PLXDC2: variants seen among roughly 807,000 people sequenced by gnomAD.
The protein encoded by PLXDC2 is plexin domain-containing protein 2.
In PLXDC2, 40 loss-of-function variants were observed where a neutral mutation model predicts 68.9. The observed-to-expected ratio is 0.58, with a 90% confidence interval of 0.45 to 0.76. The LOEUF (loss-of-function observed/expected upper bound fraction) is 0.76, where lower values mean the gene tolerates loss of function less well. Ranked by LOEUF, PLXDC2 falls within the 30% of genes least tolerant of loss-of-function variation. The pLI is 0.00. For synonymous variants in PLXDC2, 243 were observed against 234.2 expected (o/e 1.04, Z -0.34); for missense variants, 644 against 661.9 (o/e 0.97, Z 0.30).
intron 6 of PLXDC2, among the ~76,000 whole-genome samples, chr10:20,160,750 G>GA (rs1165774170): frequency 2.6e-5 from 4 of 151,388 alleles, no homozygotes; most frequent in East Asian, 1.9e-4. Flanking sequence ...ACAGAAGAAT[G>GA]AAAAAAAAAT....
At chr10:20,097,452 G>A (rs969419600) in intron 4 of PLXDC2, among the ~76,000 whole-genome samples, 1 of 152,120 alleles carries the variant, frequency 6.6e-6, no homozygotes, top group Non-Finnish European at 1.5e-5. Flanking sequence ...ATTTTAACTT[G>A]TTTCTGTAGG....
At chr10:19,971,746 A>T (rs545932455) in intron 1 of PLXDC2, among the ~76,000 whole-genome samples, 16 of 152,288 alleles carry the variant, frequency 1.1e-4, no homozygotes, top group Non-Finnish European at 1.6e-4. Flanking sequence ...TTTATGAAGC[A>T]ATGTGTCTGA....
intron 4 of PLXDC2, among the ~76,000 whole-genome samples, chr10:20,095,034 C>T (rs544745555): frequency 5.9e-5 from 9 of 151,958 alleles, no homozygotes; most frequent in East Asian, 3.9e-4. Flanking sequence ...CAAATGTGAC[C>T]GCACATGTAA....
rs147821261 is a variant in PLXDC2, at chr10:19,992,706, C to T, written c.113-9069C>T. ...TTCAAGATATAATAGAAAACAACAACCAATATTACTGTAGTATTACTTTCT... is the reference window on the plus strand; with the variant it reads ...TTCAAGATATAATAGAAAACAACAATCAATATTACTGTAGTATTACTTTCT... On this transcript the variant is annotated intron_variant, in intron 1 of 13. Transcript: ENST00000377252. Among the ~76,000 whole-genome samples, 333 of 152,256 alleles carry T rather than the reference C, an allele frequency of 2.2e-3. 3 individuals carry two copies. The highest frequency in any genetic ancestry group is 0.01 in the East Asian group (52 of 5,186).
intron 6 of PLXDC2, among the ~76,000 whole-genome samples, chr10:20,158,567 G>A (rs1270259896): frequency 1.3e-5 from 2 of 150,562 alleles, no homozygotes; most frequent in African/African-American, 4.9e-5. Context: ...GGAGGCTAAG[G>A]CAGGAAGATC....
intron 1 of PLXDC2, among the ~76,000 whole-genome samples, chr10:19,826,328 T>C (rs78246462): frequency 0.016 from 2,454 of 152,314 alleles, 30 homozygotes; most frequent in Non-Finnish European, 0.025. Flanking sequence ...CACCTTTGAA[T>C]TTTTTGTTGT....
intron 1 of PLXDC2, among the ~76,000 whole-genome samples, chr10:19,977,779 T>C (rs538572706): frequency 2.0e-4 from 31 of 152,212 alleles, no homozygotes; most frequent in Admixed American, 9.8e-4. Flanking sequence ...TTCTTTTTTT[T>C]ATAAGGGCAC....
chr10:20,208,965 G>A (rs910467192), intron 9 of PLXDC2, among the ~76,000 whole-genome samples: 1 of 152,032 alleles, frequency 6.6e-6, no homozygotes, highest in Non-Finnish European at 1.5e-5. Flanking sequence ...TAGGGTGTGG[G>A]CCACAGAGAT....
At chr10:20,196,053 G>C (rs2131843498) in intron 9 of PLXDC2, among the ~76,000 whole-genome samples, 1 of 152,214 alleles carries the variant, frequency 6.6e-6, no homozygotes, top group Non-Finnish European at 1.5e-5. Context: ...TTAAGAAAGG[G>C]TGTCCAAAAC....
chr10:19,852,038 A>G (rs1295475510), intron 1 of PLXDC2, among the ~76,000 whole-genome samples: 1 of 152,182 alleles, frequency 6.6e-6, no homozygotes, highest in East Asian at 1.9e-4. Context: ...CCATAGCAAC[A>G]TCAGTTTCAC....
intron 1 of PLXDC2, among the ~76,000 whole-genome samples, chr10:19,922,148 C>T (rs181688971): frequency 1.3e-5 from 2 of 152,280 alleles, no homozygotes; most frequent in Admixed American, 6.5e-5. Context: ...CGTGAGCCAC[C>T]GTTCTCAGCC....
chr10:20,152,837 G>A (rs182225533), intron 6 of PLXDC2, among the ~76,000 whole-genome samples: 45 of 152,044 alleles, frequency 3.0e-4, no homozygotes, highest in African/African-American at 1.1e-3. Flanking sequence ...ATAAAATATT[G>A]GACATGGTTT....
chr10:20,185,887 GCCAAAGCAC>G (rs1319961873), intron 9 of PLXDC2, among the ~76,000 whole-genome samples: 2 of 151,864 alleles, frequency 1.3e-5, no homozygotes, highest in African/African-American at 4.8e-5. Context: ...AGTTTTGCTT[GCCAAAGCAC>G]CTAATTTCAG....
At chr10:20,150,175 A>G (rs569304061) in intron 6 of PLXDC2, among the ~76,000 whole-genome samples, 2 of 152,152 alleles carry the variant, frequency 1.3e-5, no homozygotes, top group Non-Finnish European at 2.9e-5. Context: ...AAGGATGTAT[A>G]ATGTCATGCA....
intron 4 of PLXDC2, among the ~76,000 whole-genome samples, chr10:20,072,493 G>GAGAAAGAAAGAAAGAAAGAGAGAA: frequency 1.2e-5 from 1 of 80,704 alleles, no homozygotes; most frequent in Non-Finnish European, 2.4e-5. Context: ...AAGAAAGAAA[G>GAGAAAGAAAGAAAGAAAGAGAGAA]AGAAAGAAAG....
intron 5 of PLXDC2, among the ~76,000 whole-genome samples, chr10:20,147,119 G>A (rs909463883): frequency 6.6e-6 from 1 of 151,990 alleles, no homozygotes; most frequent in Admixed American, 6.6e-5. Context: ...AATCGTTTAT[G>A]GTAAACACTG....
At chr10:19,991,116 C>G (rs941254391) in intron 1 of PLXDC2, among the ~76,000 whole-genome samples, 2 of 151,952 alleles carry the variant, frequency 1.3e-5, no homozygotes, top group African/African-American at 4.8e-5. Context: ...CGTGGTAGCA[C>G]GTGCCTGTAA....
intron 9 of PLXDC2, among the ~76,000 whole-genome samples, chr10:20,181,435 C>T (rs1196049118): frequency 1.3e-5 from 2 of 151,926 alleles, no homozygotes; most frequent in East Asian, 3.9e-4. Context: ...AATAATTAGG[C>T]AAACAAAGTC....
intron 2 of PLXDC2, among the ~76,000 whole-genome samples, chr10:20,037,586 G>A (rs989661085): frequency 7.0e-6 from 1 of 141,956 alleles, no homozygotes; most frequent in African/African-American, 2.5e-5. Context: ...ATAAATAAAG[G>A]TGTAGTACCT....
Sources: gnomAD v4.1 joint callset for allele counts (sites outside exome capture counted in the v4.1 genomes callset) on GRCh38, gnomAD v4.1.1 for gene constraint, MANE v1.5 for transcripts, NCBI Gene and HGNC (gene_info 2026-07-23, HGNC 2026-07-21) for gene names.